Variants in ROS1 observed in about 807,000 individuals in gnomAD.
ROS1 encodes ROS proto-oncogene 1, receptor tyrosine kinase, also known as proto-oncogene tyrosine-protein kinase ROS.
A neutral mutation model predicts 273.5 loss-of-function variants in ROS1; 263 were observed. That is an observed-to-expected ratio of 0.96 (90% CI 0.87 to 1.06). ROS1 has a LOEUF of 1.06. Among genes scored for constraint, ROS1 ranks in the 50% least tolerant of loss-of-function variants. The pLI is 0.00. For synonymous variants in ROS1, 1,008 were observed against 954.1 expected (o/e 1.06, Z -1.04); for missense variants, 2,833 against 2,751.1 (o/e 1.03, Z -0.67).
At chr6:117,418,868 A>G (rs1328680023) in intron 1 of ROS1, among the ~76,000 whole-genome samples, 1 of 152,208 alleles carries the variant, frequency 6.6e-6, no homozygotes, top group Non-Finnish European at 1.5e-5. Flanking sequence ...TTTAAAATTA[A>G]GAGCAGGGAG....
Position 117,288,586 on chromosome 6 carries a change from T to C in ROS1, c.6932A>G (p.Gln2311Arg). ...AGGGCAGTAAGCCACTTGTTTTTCT[T>C]GGCAGAAATCTTTGTCTGCATGTGG... ...KEPHADKDFCQEKQVAYCPSG... is the reference protein window; with the variant it reads ...KEPHADKDFCREKQVAYCPSG... The change falls in exon 44 of 44, where the codon CAA becomes CGA. Residue 2311 changes from glutamine (Q) to arginine (R), a missense_variant. By Grantham distance (43) the Gln-to-Arg change is conservative. Transcript: ENST00000368507. The C allele has an allele frequency of 1.2e-6, 2 of 1,614,182 alleles. No individual in the cohort carries two copies. The highest frequency in any genetic ancestry group is 1.7e-6 in the Non-Finnish European group (2 of 1,180,028).
intron 12 of ROS1, among the ~76,000 whole-genome samples, chr6:117,392,249 A>C (rs1773126231): frequency 6.6e-6 from 1 of 152,212 alleles, no homozygotes; most frequent in Non-Finnish European, 1.5e-5. Context: ...ATCTTTAGTA[A>C]ATTGTGAATG....
At chr6:117,414,100 A>G (rs776202600) in intron 4 of ROS1, among the ~76,000 whole-genome samples, 7 of 152,202 alleles carry the variant, frequency 4.6e-5, no homozygotes, top group Non-Finnish European at 7.4e-5. Flanking sequence ...TTAATGTCCT[A>G]TATTTAATGA....
intron 14 of ROS1, 56 bp downstream of exon 14, chr6:117,387,724 C>T (rs1772698107): frequency 6.4e-7 from 1 of 1,558,242 alleles, no homozygotes; most frequent in African/African-American, 1.4e-5. Context: ...TTAAAGGGCA[C>T]TCAGCTAGTC....
At chr6:117,322,705 T>C (rs1156257083) in intron 35 of ROS1, among the ~76,000 whole-genome samples, 1 of 152,208 alleles carries the variant, frequency 6.6e-6, no homozygotes, top group Admixed American at 6.5e-5. Flanking sequence ...TTAAAATAAT[T>C]GTGACTGTTT....
At chr6:117,413,542 A>G (rs1005866189) in intron 4 of ROS1, among the ~76,000 whole-genome samples, 3 of 152,212 alleles carry the variant, frequency 2.0e-5, no homozygotes. Flanking sequence ...GTCTCTTTGA[A>G]AGAGAGAAAA....
intron 17 of ROS1, 96 bp downstream of exon 17, chr6:117,383,221 G>T: frequency 1.1e-6 from 1 of 916,396 alleles, no homozygotes; most frequent in Non-Finnish European, 1.6e-6. Flanking sequence ...TCCTTTAGGA[G>T]TCTGCTTTAA....
At chr6:117,381,922 C>A (rs1034098957) in intron 17 of ROS1, among the ~76,000 whole-genome samples, 5 of 152,024 alleles carry the variant, frequency 3.3e-5, no homozygotes, top group Non-Finnish European at 5.9e-5. Context: ...GAATTTCCCC[C>A]AAACATGCTG....
At chr6:117,291,096 G>A (rs1773804857) in intron 43 of ROS1, among the ~76,000 whole-genome samples, 1 of 151,962 alleles carries the variant, frequency 6.6e-6, no homozygotes, top group Admixed American at 6.6e-5. Flanking sequence ...TGCCTTTCTT[G>A]CTCAGTCACA....
chr6:117,377,879 G>C (rs1203078837), intron 18 of ROS1, among the ~76,000 whole-genome samples: 1 of 151,938 alleles, frequency 6.6e-6, no homozygotes, highest in Non-Finnish European at 1.5e-5. Context: ...TACTTGAACA[G>C]GCATATCATA....
chr6:117,402,337 T>C (rs1052317889), intron 7 of ROS1, among the ~76,000 whole-genome samples: 10 of 152,162 alleles, frequency 6.6e-5, no homozygotes, highest in Admixed American at 1.3e-4. Context: ...CTATGTGAGA[T>C]AGCTGCCTGG....
At chr6:117,289,835 C>T (rs1195361714) in intron 43 of ROS1, among the ~76,000 whole-genome samples, 1 of 152,052 alleles carries the variant, frequency 6.6e-6, no homozygotes, top group African/African-American at 2.4e-5. Context: ...GTATTCAACA[C>T]CTGTGGAAGG....
intron 17 of ROS1, among the ~76,000 whole-genome samples, chr6:117,379,370 A>G (rs1562337811): frequency 6.6e-6 from 1 of 152,140 alleles, no homozygotes; most frequent in Non-Finnish European, 1.5e-5. Flanking sequence ...AAATTTTACA[A>G]AAAGGCAAGG....
At chr6:117,328,063 C>T (rs969471866) in intron 33 of ROS1, among the ~76,000 whole-genome samples, 1 of 152,134 alleles carries the variant, frequency 6.6e-6, no homozygotes, top group Non-Finnish European at 1.5e-5. Flanking sequence ...TTCAAGCCAC[C>T]CAGTTGGTGG....
intron 1 of ROS1, among the ~76,000 whole-genome samples, chr6:117,420,630 G>T (rs1044694110): frequency 2.1e-4 from 32 of 150,698 alleles, no homozygotes; most frequent in African/African-American, 6.8e-4. Flanking sequence ...AAATGGAACA[G>T]AGCAGAATGA....
intron 2 of ROS1, among the ~76,000 whole-genome samples, chr6:117,416,933 CT>C (rs1775382973): frequency 6.6e-6 from 1 of 152,068 alleles, no homozygotes; most frequent in African/African-American, 2.4e-5. Flanking sequence ...ACCTGGATTC[CT>C]TTTTCTTACT....
intron 26 of ROS1, among the ~76,000 whole-genome samples, chr6:117,353,646 G>A (rs1418711094): frequency 6.6e-6 from 1 of 152,228 alleles, no homozygotes; most frequent in Middle Eastern, 3.4e-3. Flanking sequence ...ATCACTAGCA[G>A]GTTCAGTTAC....
chr6:117,288,731 G>A lies in ROS1; in HGVS notation c.6787C>T (p.Arg2263Ter), dbSNP rs202153378. ...AGTACCATATAGTTTAACCCTTCTC[G>A]GTTCTTCGTTTCCATTAAAGCAACT... The part of the protein sequence containing the change: ...MPVALMETKN[R>*]EGLNYMVLAT... The change falls in exon 44 of 44, where the codon CGA becomes TGA. Residue 2263 changes from arginine (R) to a stop codon, truncating the protein, a stop_gained. Transcript: ENST00000368507. LOFTEE classifies it high-confidence loss of function. 41 of 1,613,662 alleles carry A rather than the reference G, an allele frequency of 2.5e-5. No homozygotes were observed. Among genetic ancestry groups the A allele is most frequent in the Middle Eastern group, 1.6e-4 (1 of 6,084 alleles).
At chr6:117,381,888 G>A (rs1417356747) in intron 17 of ROS1, among the ~76,000 whole-genome samples, 1 of 152,006 alleles carries the variant, frequency 6.6e-6, no homozygotes, top group Non-Finnish European at 1.5e-5. Flanking sequence ...TTGGAGGGGG[G>A]ATTTAAAGAG....
Sources: allele counts gnomAD v4.1 joint callset (sites outside exome capture counted in the v4.1 genomes callset), GRCh38; gene constraint gnomAD v4.1.1; transcripts MANE v1.5; gene names NCBI Gene and HGNC (gene_info 2026-07-23, HGNC 2026-07-21).